The following LRP6 variants were observed in gnomAD, a reference collection of about 807,000 sequenced individuals.
LRP6 encodes the protein LDL receptor related protein 6, also known as low-density lipoprotein receptor-related protein 6.
In LRP6, 43 loss-of-function variants were observed where a neutral mutation model predicts 184.1. The ratio of observed to expected loss-of-function variants is 0.23; its 90% CI spans 0.18 to 0.30. The LOEUF is 0.30. LRP6 is among the 10% of genes least tolerant of loss of function. LRP6 has a pLI of 1.00. For missense variants in LRP6, 1,571 were observed against 2,005.3 expected (o/e 0.78, Z 4.14); for synonymous variants, 719 against 684.9 (o/e 1.05, Z -0.78).
intron 18 of LRP6, 147 bp from the exon 19 acceptor site, chr12:12,131,040 T>C (rs1301301786): frequency 1.8e-6 from 1 of 567,696 alleles, no homozygotes; most frequent in African/African-American, 1.9e-5. Context: ...GGAGTTCCAT[T>C]GGTTGAGAGA....
chr12:12,141,927 A>C (rs1293789546), intron 15 of LRP6, among the ~76,000 whole-genome samples: 2 of 152,224 alleles, frequency 1.3e-5, no homozygotes, highest in African/African-American at 4.8e-5. Context: ...CGAATTCTGG[A>C]AAGTTCATAA....
intron 7 of LRP6, among the ~76,000 whole-genome samples, chr12:12,178,888 A>G (rs1264383403): frequency 6.6e-6 from 1 of 152,172 alleles, no homozygotes; most frequent in Non-Finnish European, 1.5e-5. Flanking sequence ...TTATTCCCTC[A>G]GGGTCATGGG....
At chr12:12,235,467 C>A (rs972889746) in intron 2 of LRP6, among the ~76,000 whole-genome samples, 2 of 152,094 alleles carry the variant, frequency 1.3e-5, no homozygotes, top group African/African-American at 4.8e-5. Context: ...CAGTGGCTCA[C>A]GCCTGTAATC....
chr12:12,124,750 G>T, intron 21 of LRP6, 88 bp from the exon 22 acceptor site: 1 of 825,496 alleles, frequency 1.2e-6, no homozygotes, highest in Non-Finnish European at 2.0e-6. Context: ...ATCTCTATTA[G>T]TGTTTCTTTA....
chr12:12,150,775 G>GTGGT, intron 13 of LRP6, 61 bp downstream of exon 13: 1 of 1,550,238 alleles, frequency 6.5e-7, no homozygotes, highest in South Asian at 1.1e-5. Flanking sequence ...GTGAAACAGA[G>GTGGT]TGGTTGGTGA....
chr12:12,121,396 G>A lies in LRP6; in HGVS notation c.4572C>T (p.His1524=), dbSNP rs1233799369. The A allele has an allele frequency of 1.9e-6, 3 of 1,614,008 alleles. No homozygotes were observed. Among genetic ancestry groups the A allele is most frequent in the Admixed American group, 1.7e-5 (1 of 60,004 alleles). The change falls in exon 23 of 23, where the codon CAC becomes CAT. Residue 1524 remains histidine (H), a synonymous_variant. Transcript: ENST00000261349. ...SYSYRPYSYR[H]FAPPTTPCST... is the part of the protein sequence containing the mutation. ...TGCAGGGTGTGGTGGGGGGTGCAAA[G>A]TGCCGGTAGCTATATGGCCTGTAGC...
At chr12:12,204,253 T>C (rs1254663750) in intron 2 of LRP6, among the ~76,000 whole-genome samples, 1 of 145,756 alleles carries the variant, frequency 6.9e-6, no homozygotes, top group Admixed American at 7.0e-5. Context: ...ACAGTTGGTC[T>C]TTGACAATAT....
chr12:12,179,160 T>G (rs1863268862), intron 7 of LRP6, among the ~76,000 whole-genome samples: 1 of 152,196 alleles, frequency 6.6e-6, no homozygotes, highest in African/African-American at 2.4e-5. Flanking sequence ...GATAAAATAT[T>G]AATCACTGAT....
At chr12:12,205,721 TGAA>T in intron 2 of LRP6, among the ~76,000 whole-genome samples, 1 of 152,288 alleles carries the variant, frequency 6.6e-6, no homozygotes, top group Middle Eastern at 3.4e-3. Flanking sequence ...TGCTAATAAA[TGAA>T]GAACAGAAAT....
chr12:12,193,366 T>C (rs1028805661), intron 3 of LRP6, among the ~76,000 whole-genome samples: 1 of 147,044 alleles, frequency 6.8e-6, no homozygotes, highest in Non-Finnish European at 1.5e-5. Flanking sequence ...ATAAAAACAT[T>C]AGGGTTAAAA....
At chr12:12,174,857 C>A (rs866510132) in intron 7 of LRP6, among the ~76,000 whole-genome samples, 1 of 152,128 alleles carries the variant, frequency 6.6e-6, no homozygotes, top group East Asian at 1.9e-4. Flanking sequence ...TTCTAATAAA[C>A]CTTGTTTCTG....
rs1565530233 is a variant in LRP6, at chr12:12,126,937, C to CAGTA, written c.4082-20_4082-17dup. On this transcript the variant is annotated splice_polypyrimidine_tract_variant and intron_variant, in intron 19 of 22. Coordinates refer to ENST00000261349, the MANE Select transcript of LRP6 (RefSeq NM_002336.3). The stretch of plus-strand genomic sequence containing the variant: ...TCAGTCGGATCTACAATGAAGAATG[C>CAGTA]AGTATGGTTATTTAATAGAAAAACA... 1.3e-6 allele frequency: 2 copies of CAGTA among 1,586,724 alleles called. No individual in the cohort carries two copies. Among genetic ancestry groups the CAGTA allele is most frequent in the Non-Finnish European group, 1.7e-6 (2 of 1,155,088 alleles).
At chr12:12,171,330 C>T (rs1047868339) in intron 7 of LRP6, among the ~76,000 whole-genome samples, 22 of 152,044 alleles carry the variant, frequency 1.4e-4, no homozygotes, top group South Asian at 4.1e-4. Context: ...TCCTGGCTAA[C>T]ATGGTGAAAC....
chr12:12,132,272 A>G (rs1388945744), intron 17 of LRP6, among the ~76,000 whole-genome samples: 2 of 152,230 alleles, frequency 1.3e-5, no homozygotes, highest in Non-Finnish European at 1.5e-5. Context: ...CCGCAAAACT[A>G]TAAGGCAAAA....
rs1010462787 is a variant in LRP6 at position 12,124,676 on chromosome 12, A to G, written c.4450-14T>C. 6 of 1,472,614 alleles carry G rather than the reference A, an allele frequency of 4.1e-6. No individual in the cohort carries two copies. The South Asian group carries it at 4.7e-5, about 11-fold the overall frequency. 91.2% of individuals were successfully genotyped at this position (1,472,614 alleles called of 1,614,324 possible). A position where few individuals can be genotyped will look rare whatever the true frequency, so the allele number is the denominator to read the frequency against. On this transcript the variant is annotated splice_polypyrimidine_tract_variant and intron_variant, in intron 21 of 22. Transcript: ENST00000261349. ...AGGGTTCAAAATCTAAAAGAAAAAAATAATTAAAATATTAAAATAACAACA... is the reference window on the plus strand; with the variant it reads ...AGGGTTCAAAATCTAAAAGAAAAAAGTAATTAAAATATTAAAATAACAACA...
chr12:12,205,824 TA>T (rs1480696921), intron 2 of LRP6, among the ~76,000 whole-genome samples: 3 of 152,202 alleles, frequency 2.0e-5, no homozygotes, highest in African/African-American at 7.2e-5. Context: ...AAATGCTCCC[TA>T]GATTGGGGAC....
At position 12,150,695 on chromosome 12, in the gene LRP6, T is replaced by G; in HGVS notation, c.2994+141A>C. Reference sequence around the variant, plus strand: ...TCAAAATATCGTCAGAAGGAAAAAATAAGCTACTAGGTCCAGAATTTCAGT... The same window carrying G: ...TCAAAATATCGTCAGAAGGAAAAAAGAAGCTACTAGGTCCAGAATTTCAGT... On this transcript the variant is annotated intron_variant, in intron 13 of 22. Transcript: ENST00000261349. 3 of 834,322 alleles carry G rather than the reference T, an allele frequency of 3.6e-6. No homozygotes were observed. The South Asian group carries it at 4.2e-5, about 12-fold the overall frequency. The allele number at this position is 834,322 out of a possible 1,614,324, so 51.7% of individuals were successfully genotyped here. A position where few individuals can be genotyped will look rare whatever the true frequency, so the allele number is the denominator to read the frequency against.
At chr12:12,123,261 T>G (rs1949628385) in intron 22 of LRP6, among the ~76,000 whole-genome samples, 1 of 152,242 alleles carries the variant, frequency 6.6e-6, no homozygotes, top group Non-Finnish European at 1.5e-5. Flanking sequence ...AAATAAAATT[T>G]TGTATCTTTC....
chr12:12,262,334 ATGCCAC>A (rs1251550590), intron 1 of LRP6, among the ~76,000 whole-genome samples: 1 of 152,090 alleles, frequency 6.6e-6, no homozygotes, highest in African/African-American at 2.4e-5. Flanking sequence ...AGCTGAGATC[ATGCCAC>A]TGCACTCCAG....
Sources: allele counts gnomAD v4.1 joint callset (sites outside exome capture counted in the v4.1 genomes callset), GRCh38; gene constraint gnomAD v4.1.1; transcripts MANE v1.5; gene names NCBI Gene and HGNC (gene_info 2026-07-23, HGNC 2026-07-21).